Variants in KCNAB1 observed in about 807,000 individuals in gnomAD.
KCNAB1 encodes the protein potassium voltage-gated channel subfamily A regulatory beta subunit 1.
A neutral mutation model predicts 64.6 loss-of-function variants in KCNAB1; 35 were observed. The observed-to-expected ratio is 0.54, with a 90% CI of 0.41 to 0.72. The LOEUF (loss-of-function observed/expected upper bound fraction) is 0.72, where lower values mean the gene tolerates loss of function less well. KCNAB1 is among the 30% of genes least tolerant of loss of function. KCNAB1 has a pLI of 0.00. For missense variants in KCNAB1, 401 were observed against 512.9 expected (o/e 0.78, Z 2.11); for synonymous variants, 177 against 183.8 (o/e 0.96, Z 0.30).
At chr3:156,277,325 G>T (rs111547559) in intron 1 of KCNAB1, among the ~76,000 whole-genome samples, 3,811 of 152,226 alleles carry the variant, frequency 0.025, 172 homozygotes, top group African/African-American at 0.087. Context: ...TTAAAATGTT[G>T]TGAGAATTAC....
Position 156,462,451 on chromosome 3 carries a change from ATGAGGT to A in KCNAB1, c.483-1247_483-1242del, listed in dbSNP as rs3836232. On this transcript the variant is annotated intron_variant, in intron 5 of 13. Coordinates refer to ENST00000490337, the MANE Select transcript of KCNAB1 (RefSeq NM_172160.3). ...GCAGATTGCTATTATAATAGGTATC[ATGAGGT>A]TGATGTATTAACCTGGAAAGTACAT... 2.0e-5 allele frequency among the ~76,000 whole-genome samples: 3 copies of A among 152,236 alleles called. No homozygotes were observed. The East Asian group carries it at 5.8e-4, about 29-fold the overall frequency.
At position 156,353,320 on chromosome 3, in the gene KCNAB1, C is replaced by T. The variant is rs1012256628; in HGVS notation, c.276-68296C>T. On this transcript the variant is annotated intron_variant, in intron 1 of 13. Coordinates refer to ENST00000490337, the MANE Select transcript of KCNAB1 (RefSeq NM_172160.3). ...CTTCCTTCCTTTCTTAAATGTTTAC[C>T]GAGTTCCTATGTGTACAGGCAGTGG... is the stretch of plus-strand genomic sequence containing the variant. Among the ~76,000 whole-genome samples, 5 of 152,008 alleles carry T rather than the reference C, an allele frequency of 3.3e-5. No homozygotes were observed. The East Asian group carries it at 5.8e-4, about 18-fold the overall frequency.
intron 8 of KCNAB1, among the ~76,000 whole-genome samples, chr3:156,501,422 CTTTTTT>C (rs34628325): frequency 6.1e-5 from 5 of 82,524 alleles, no homozygotes; most frequent in Admixed American, 4.3e-4. Flanking sequence ...GACTTAGTAC[CTTTTTT>C]TTTTTTTTTT....
At chr3:156,493,643 C>T (rs936930246) in intron 8 of KCNAB1, among the ~76,000 whole-genome samples, 1 of 152,088 alleles carries the variant, frequency 6.6e-6, no homozygotes. Flanking sequence ...CACTAATATC[C>T]TTTTCTGGCC....
Position 156,380,688 on chromosome 3 carries a change from A to G in KCNAB1, c.276-40928A>G, listed in dbSNP as rs752934908. On this transcript the variant is annotated intron_variant, in intron 1 of 13. Coordinates refer to ENST00000490337, the MANE Select transcript of KCNAB1 (RefSeq NM_172160.3). The stretch of plus-strand genomic sequence containing the variant: ...TCAAAGATGAATAAAATATAGCCTT[A>G]GGGAAATTAGAAACTAGGGAGAAAG... Among the ~76,000 whole-genome samples, 56 of 152,250 alleles carry G rather than the reference A, an allele frequency of 3.7e-4. 1 individual carries two copies. Among genetic ancestry groups the G allele is most frequent in the Admixed American group, 2.8e-3 (43 of 15,280 alleles).
chr3:156,307,126 T>G (rs1373045050), intron 1 of KCNAB1, among the ~76,000 whole-genome samples: 2 of 152,214 alleles, frequency 1.3e-5, no homozygotes, highest in Non-Finnish European at 2.9e-5. Context: ...AGATTCTAAC[T>G]TGCTTCGTGT....
intron 1 of KCNAB1, among the ~76,000 whole-genome samples, chr3:156,352,330 C>T (rs1437554340): frequency 6.6e-6 from 1 of 152,196 alleles, no homozygotes; most frequent in Admixed American, 6.5e-5. Flanking sequence ...TCAGATTCCT[C>T]CAAAGCTATC....
intron 11 of KCNAB1, among the ~76,000 whole-genome samples, chr3:156,519,638 C>G (rs977897103): frequency 6.6e-6 from 1 of 152,198 alleles, no homozygotes; most frequent in Admixed American, 6.5e-5. Flanking sequence ...CAAAGACAAT[C>G]CTTGAGAAGT....
intron 1 of KCNAB1, among the ~76,000 whole-genome samples, chr3:156,414,183 ATT>A (rs1201118438): frequency 6.6e-6 from 1 of 152,100 alleles, no homozygotes; most frequent in Non-Finnish European, 1.5e-5. Context: ...CCTACCTCAG[ATT>A]TTTTTTGTTT....
At chr3:156,298,039 C>T (rs1248778624) in intron 1 of KCNAB1, among the ~76,000 whole-genome samples, 3 of 152,164 alleles carry the variant, frequency 2.0e-5, no homozygotes, top group Non-Finnish European at 2.9e-5. Context: ...TATGGGCTTT[C>T]CTCTCTGCCT....
intron 2 of KCNAB1, among the ~76,000 whole-genome samples, chr3:156,437,662 G>A (rs1301635199): frequency 6.6e-6 from 1 of 151,956 alleles, no homozygotes; most frequent in Non-Finnish European, 1.5e-5. Flanking sequence ...AGCTTCTTTT[G>A]CTACAGTCAT....
At chr3:156,538,661 T>TA (rs1370102323), downstream of KCNAB1, 4 of 152,220 alleles carry the variant, frequency 2.6e-5, no homozygotes, top group Non-Finnish European at 4.4e-5. Flanking sequence ...TCCATATATG[T>TA]AAAACATACA....
In KCNAB1 at chr3:156,262,605, T is replaced by C. The variant is rs1263032675; in HGVS notation, c.275+141719T>C. 2.6e-5 allele frequency among the ~76,000 whole-genome samples: 4 copies of C among 151,936 alleles called. No individual in the cohort carries two copies. The East Asian group carries it at 7.7e-4, about 29-fold the overall frequency. On this transcript the variant is annotated intron_variant, in intron 1 of 13. Coordinates refer to ENST00000490337, the MANE Select transcript of KCNAB1 (RefSeq NM_172160.3). ...ATATTTTGTTAAGGATTTTTACATT[T>C]ATGTTCATGAGTGATATCAATCTGT...
chr3:156,182,083 T>C (rs1456972956), intron 1 of KCNAB1, among the ~76,000 whole-genome samples: 1 of 152,208 alleles, frequency 6.6e-6, no homozygotes, highest in Non-Finnish European at 1.5e-5. Context: ...ATGAGCAACT[T>C]TAATAACTTT....
chr3:156,497,076 A>T (rs1325408182), intron 8 of KCNAB1, among the ~76,000 whole-genome samples: 1 of 152,216 alleles, frequency 6.6e-6, no homozygotes, highest in African/African-American at 2.4e-5. Context: ...TTGCTGGGTA[A>T]TTCACTGTTG....
chr3:156,394,422 G>A lies in KCNAB1; in HGVS notation c.276-27194G>A, dbSNP rs116287530. 2.6e-3 allele frequency among the ~76,000 whole-genome samples: 398 copies of A among 152,242 alleles called. 3 individuals carry two copies. Among genetic ancestry groups the A allele is most frequent in the African/African-American group, 9.0e-3 (376 of 41,548 alleles). ...GCTAAGATAGAAATGAAAAGCCTTGGAGGTGTTTCAGCCTGACAGCTATCA... is the reference window on the plus strand; with the variant it reads ...GCTAAGATAGAAATGAAAAGCCTTGAAGGTGTTTCAGCCTGACAGCTATCA... On this transcript the variant is annotated intron_variant, in intron 1 of 13. Coordinates refer to ENST00000490337, the MANE Select transcript of KCNAB1 (RefSeq NM_172160.3).
intron 8 of KCNAB1, among the ~76,000 whole-genome samples, chr3:156,479,330 G>T (rs990858408): frequency 2.0e-5 from 3 of 152,112 alleles, no homozygotes; most frequent in Non-Finnish European, 1.5e-5. Flanking sequence ...CATTAGACAA[G>T]AAAAAGTTCA....
At chr3:156,475,661 T>C (rs1714285529) in intron 8 of KCNAB1, among the ~76,000 whole-genome samples, 1 of 152,196 alleles carries the variant, frequency 6.6e-6, no homozygotes, top group Non-Finnish European at 1.5e-5. Flanking sequence ...AATAGTTTGA[T>C]TCACATGAGA....
At chr3:156,485,122 A>T (rs1432474979) in intron 8 of KCNAB1, among the ~76,000 whole-genome samples, 1 of 152,144 alleles carries the variant, frequency 6.6e-6, no homozygotes, top group Non-Finnish European at 1.5e-5. Context: ...TAAACCTTGG[A>T]AGATGTAATA....
Sources: gnomAD v4.1 joint callset for allele counts (sites outside exome capture counted in the v4.1 genomes callset) on GRCh38, gnomAD v4.1.1 for gene constraint, MANE v1.5 for transcripts, NCBI Gene and HGNC (gene_info 2026-07-23, HGNC 2026-07-21) for gene names.